Variants in CAVIN1 observed in about 807,000 individuals in gnomAD.
CAVIN1 encodes the protein caveolae associated protein 1, also known as caveolae-associated protein 1.
A neutral mutation model predicts 24.0 loss-of-function variants in CAVIN1; 16 were observed. That is an observed-to-expected ratio of 0.67 (90% CI 0.45 to 1.01). The LOEUF (loss-of-function observed/expected upper bound fraction) is 1.01, where lower values mean the gene tolerates loss of function less well. CAVIN1 is among the 50% of genes least tolerant of loss of function. CAVIN1 has a pLI of 0.00. For missense variants in CAVIN1, 510 were observed against 551.7 expected, an observed-to-expected ratio of 0.92 and a Z score of 0.76; for synonymous variants, 256 against 256.4, an observed-to-expected ratio of 1.00 and a Z score of 0.02.
rs1340854621 is a variant in CAVIN1, at chr17:42,404,503, A to C, written c.*184T>G. The C allele has an allele frequency of 4.2e-6, 2 of 474,056 alleles. No individual in the cohort carries two copies. The allele number at this position is 474,056 out of a possible 1,614,324, so 29.4% of individuals were successfully genotyped here. ...GACTGTGTCCAAGCGGGGGTTGTCC[A>C]CTGCGGGGGCTGCCTCCCCATCGGG... is the stretch of plus-strand genomic sequence containing the variant. On this transcript the variant is annotated 3_prime_UTR_variant, in exon 2 of 2. Coordinates refer to ENST00000357037, the MANE Select transcript of CAVIN1 (RefSeq NM_012232.6).
chr17:42,405,017 C>T lies in CAVIN1; in HGVS notation c.843G>A (p.Leu281=), dbSNP rs35648297. The T allele has an allele frequency of 4.4e-3, 7,031 of 1,614,166 alleles. 124 individuals are homozygous for T. In the African/African-American group the frequency reaches 0.049, roughly 11 times the overall value. ...GTTTCTCGCGCCGCTCGGCGGGCAC[C>T]AGGCGCGTGCCCAGCTTGTTCATGC... ...EKRMNKLGTR[L]VPAERREKLK... Residue 281 remains leucine (L), a synonymous_variant, in exon 2 of 2, where the codon CTG becomes CTA. Transcript: ENST00000357037.
chr17:42,423,191 G>A lies in CAVIN1; in HGVS notation c.-94C>T, dbSNP rs915359090. 1 of 1,038,066 alleles carries A rather than the reference G, an allele frequency of 9.6e-7. No individual in the cohort carries two copies. Among genetic ancestry groups the A allele is most frequent in the Non-Finnish European group, 1.4e-6 (1 of 724,796 alleles). The allele number at this position is 1,038,066 out of a possible 1,614,324, so 64.3% of individuals were successfully genotyped here. A position where few individuals can be genotyped will look rare whatever the true frequency, so the allele number is the denominator to read the frequency against. ...AGGAGCGGAAGGGAGGAGAGCTAGC[G>A]GGCGAGAGCGGAGAGCAGAGGAAAC... On this transcript the variant is annotated 5_prime_UTR_variant, in exon 1 of 2. Coordinates refer to ENST00000357037, the MANE Select transcript of CAVIN1 (RefSeq NM_012232.6).
In CAVIN1 at chr17:42,405,694, T is replaced by TTTTGTTG. The variant is rs1555586098; in HGVS notation, c.472-307_472-306insCAACAAA. ...TCTCTCTCTCCTTGTTTTTTTTTTTTTTTTTTTTTTTAAACGGAGTCTCGA... is the reference window on the plus strand; with the variant it reads ...TCTCTCTCTCCTTGTTTTTTTTTTTTTTTGTTGTTTTTTTTTTTAAACGGAGTCTCGA... On this transcript the variant is annotated intron_variant, in intron 1 of 1. Coordinates refer to ENST00000357037, the MANE Select transcript of CAVIN1 (RefSeq NM_012232.6). 1.5e-4 allele frequency among the ~76,000 whole-genome samples: 13 copies of TTTTGTTG among 83,990 alleles called. 1 individual carries two copies. In the South Asian group the frequency reaches 7.1e-3, roughly 46 times the overall value. 55.1% of individuals were successfully genotyped at this position (83,990 alleles called of 152,430 possible). A position where few individuals can be genotyped will look rare whatever the true frequency, so the allele number is the denominator to read the frequency against.
chr17:42,412,864 G>T (rs2085488324), intron 1 of CAVIN1, among the ~76,000 whole-genome samples: 1 of 149,748 alleles, frequency 6.7e-6, no homozygotes, highest in Non-Finnish European at 1.5e-5. Flanking sequence ...CGATCCTCTT[G>T]TCTCGGTCTC....
chr17:42,413,296 G>A (rs116746437), intron 1 of CAVIN1, among the ~76,000 whole-genome samples: 2 of 151,596 alleles, frequency 1.3e-5, no homozygotes, highest in South Asian at 2.1e-4. Context: ...AGTGGCTCAC[G>A]CCTATAATCC....
chr17:42,415,085 A>G (rs890903345), intron 1 of CAVIN1, among the ~76,000 whole-genome samples: 1 of 152,032 alleles, frequency 6.6e-6, no homozygotes, highest in Non-Finnish European at 1.5e-5. Context: ...CTCATAGCCA[A>G]CGCCACACAC....
intron 1 of CAVIN1, among the ~76,000 whole-genome samples, chr17:42,405,673 T>G (rs12950246): frequency 8.7e-6 from 1 of 114,712 alleles, no homozygotes; most frequent in Non-Finnish European, 1.8e-5. Flanking sequence ...TTTCTCTCTC[T>G]CTCTCCTTGT....
chr17:42,403,643 T>C lies in CAVIN1; in HGVS notation c.*1044A>G, dbSNP rs1313656277. The C allele has an allele frequency of 6.5e-6, 1 of 152,762 alleles. No homozygotes were observed. The highest frequency in any genetic ancestry group is 2.4e-5 in the African/African-American group (1 of 41,396). The allele number at this position is 152,762 out of a possible 1,614,324, so 9.5% of individuals were successfully genotyped here. On this transcript the variant is annotated 3_prime_UTR_variant, in exon 2 of 2. Coordinates refer to ENST00000357037, the MANE Select transcript of CAVIN1 (RefSeq NM_012232.6). ...CCTATTTTCCTTTTTTTTCCTTCTG[T>C]TGAGATGGAGTCTCACTCTGTCACC...
intron 1 of CAVIN1, chr17:42,411,983 C>T (rs1050163568): frequency 1.0e-6 from 1 of 985,328 alleles, no homozygotes; most frequent in African/African-American, 1.7e-5. Flanking sequence ...CACCACTAGG[C>T]TGTGGGCTGA....
intron 1 of CAVIN1, among the ~76,000 whole-genome samples, chr17:42,419,891 G>A (rs1259947993): frequency 1.3e-5 from 2 of 151,270 alleles, no homozygotes; most frequent in Non-Finnish European, 3.0e-5. Context: ...TCGTGTGTGT[G>A]TGTGTGTGTG....
At chr17:42,420,335 G>C (rs1317853215) in intron 1 of CAVIN1, among the ~76,000 whole-genome samples, 1 of 152,200 alleles carries the variant, frequency 6.6e-6, no homozygotes, top group Non-Finnish European at 1.5e-5. Context: ...CAGGCCTGCA[G>C]ACCTCTGGGA....
At chr17:42,420,690 G>A (rs974139536) in intron 1 of CAVIN1, among the ~76,000 whole-genome samples, 4 of 152,108 alleles carry the variant, frequency 2.6e-5, no homozygotes, top group African/African-American at 9.7e-5. Flanking sequence ...CAGAACAGAG[G>A]GATGCCAGTG....
chr17:42,409,358 C>T (rs1334214645), intron 1 of CAVIN1, among the ~76,000 whole-genome samples: 2 of 152,190 alleles, frequency 1.3e-5, no homozygotes, highest in Non-Finnish European at 2.9e-5. Context: ...GCCTCGGCCT[C>T]CCAAAGTGCT....
At chr17:42,408,354 C>G (rs2085457451) in intron 1 of CAVIN1, among the ~76,000 whole-genome samples, 1 of 152,058 alleles carries the variant, frequency 6.6e-6, no homozygotes, top group Non-Finnish European at 1.5e-5. Flanking sequence ...TCTTTGCCAG[C>G]TGAACTTGGA....
In CAVIN1 at chr17:42,402,573, A is replaced by C. The variant is rs886788348; in HGVS notation, c.*2114T>G. 6.6e-6 allele frequency: 1 copy of C among 152,168 alleles called. No individual in the cohort carries two copies. The highest frequency in any genetic ancestry group is 1.5e-5 in the Non-Finnish European group (1 of 68,076). The allele number at this position is 152,168 out of a possible 1,614,324, so 9.4% of individuals were successfully genotyped here. The stretch of plus-strand genomic sequence containing the variant: ...CAGGCCCCTTCAGGCCATCAGCACC[A>C]AGGGACCTTGTCCCACAATCCCCAA... On this transcript the variant is annotated 3_prime_UTR_variant, in exon 2 of 2. Transcript: ENST00000357037.
chr17:42,404,412 T>C lies in CAVIN1; in HGVS notation c.*275A>G, dbSNP rs1049735410. ...GGGCCTAACCGTGGAATCACTGCAA[T>C]TTCCTCTGAGATCCCGACTTGGACA... is the stretch of plus-strand genomic sequence containing the variant. On this transcript the variant is annotated 3_prime_UTR_variant, in exon 2 of 2. Transcript: ENST00000357037. The C allele has an allele frequency of 6.2e-6, 2 of 320,550 alleles. No individual in the cohort carries two copies. The allele number at this position is 320,550 out of a possible 1,614,324, so 19.9% of individuals were successfully genotyped here.
rs769543146 is a variant in CAVIN1, at chr17:42,405,201, C to T, written c.659G>A (p.Arg220His). The change falls in exon 2 of 2, where the codon CGT becomes CAT. Residue 220 changes from arginine to histidine, a missense_variant. Coordinates refer to ENST00000357037, the MANE Select transcript of CAVIN1 (RefSeq NM_012232.6). ...GCGCCGCAGGCCGCTGCGCTTGATA[C>T]GCTCTGCGCGGGACTCCTCAATAAC... is the stretch of plus-strand genomic sequence containing the variant. The part of the protein sequence containing the change: ...EEVIEESRAE[R>H]IKRSGLRRVD... 1 of 1,614,072 alleles carries T rather than the reference C, an allele frequency of 6.2e-7. No homozygotes were observed. The highest frequency in any genetic ancestry group is 2.2e-5 in the East Asian group (1 of 44,840).
intron 1 of CAVIN1, among the ~76,000 whole-genome samples, chr17:42,422,047 G>C (rs768253251): frequency 2.0e-5 from 3 of 152,196 alleles, no homozygotes; most frequent in Non-Finnish European, 2.9e-5. Flanking sequence ...AGGCCGATGT[G>C]GGGGCGCGGG....
chr17:42,413,309 G>A (rs1167555453), intron 1 of CAVIN1, among the ~76,000 whole-genome samples: 2 of 151,434 alleles, frequency 1.3e-5, no homozygotes, highest in African/African-American at 4.8e-5. Flanking sequence ...TATAATCCCT[G>A]TAATCCCAGC....
Sources: gnomAD v4.1 joint callset for allele counts (sites outside exome capture counted in the v4.1 genomes callset) on GRCh38, gnomAD v4.1.1 for gene constraint, MANE v1.5 for transcripts, NCBI Gene and HGNC (gene_info 2026-07-23, HGNC 2026-07-21) for gene names.